NACC2: variants seen among roughly 807,000 people sequenced by gnomAD.
The protein encoded by NACC2 is nucleus accumbens-associated protein 2.
Under a neutral mutation model 25.1 loss-of-function variants are expected in NACC2, and 8 were observed. The observed-to-expected ratio is 0.32, with a 90% CI of 0.19 to 0.57. The LOEUF (loss-of-function observed/expected upper bound fraction) is 0.57. NACC2 is among the 20% of genes least tolerant of loss of function. NACC2 has a pLI of 0.89. For missense variants in NACC2, 644 were observed against 650.2 expected (o/e 0.99, Z 0.10); for synonymous variants, 435 against 294.7 (o/e 1.48, Z -4.88).
intron 1 of NACC2, among the ~76,000 whole-genome samples, chr9:136,091,360 T>A (rs1212190448): frequency 6.6e-6 from 1 of 152,242 alleles, no homozygotes; most frequent in Non-Finnish European, 1.5e-5. Context: ...CAGCCTGGGC[T>A]GGGCGTTCTC....
intron 1 of NACC2, among the ~76,000 whole-genome samples, chr9:136,052,606 G>A (rs1307321638): frequency 2.6e-5 from 4 of 152,248 alleles, no homozygotes; most frequent in East Asian, 1.9e-4. Flanking sequence ...CGGCAGGCCC[G>A]GGAGTCCAGC....
intron 2 of NACC2, among the ~76,000 whole-genome samples, chr9:136,031,115 A>G (rs1456310407): frequency 6.6e-6 from 1 of 152,222 alleles, no homozygotes; most frequent in Admixed American, 6.5e-5. Flanking sequence ...CTCCAGACCA[A>G]AATGACTTTG....
At chr9:136,024,374 G>T (rs1840351636) in intron 2 of NACC2, among the ~76,000 whole-genome samples, 1 of 146,780 alleles carries the variant, frequency 6.8e-6, no homozygotes, top group Non-Finnish European at 1.5e-5. Flanking sequence ...GACAGAAGGT[G>T]TGTGTGTGAG....
chr9:136,050,566 C>T lies in NACC2; in HGVS notation c.-45G>A. 1.4e-6 allele frequency: 1 copy of T among 730,620 alleles called. No homozygotes were observed. The highest frequency in any genetic ancestry group is 2.6e-5 in the East Asian group (1 of 38,980). The allele number at this position is 730,620 out of a possible 1,614,324, so 45.3% of individuals were successfully genotyped here. On this transcript the variant is annotated 5_prime_UTR_variant, in exon 2 of 6. Transcript: ENST00000277554. Reference sequence around the variant, plus strand: ...GGCTGGGCTCTCAGCGCGGGGCGGCCCTAGCGGGGCTCATCTGTGGGGGGC... The same window carrying T: ...GGCTGGGCTCTCAGCGCGGGGCGGCTCTAGCGGGGCTCATCTGTGGGGGGC...
At chr9:136,059,362 G>A (rs1394920325) in intron 1 of NACC2, among the ~76,000 whole-genome samples, 1 of 152,204 alleles carries the variant, frequency 6.6e-6, no homozygotes, top group African/African-American at 2.4e-5. Flanking sequence ...CCTATGACAT[G>A]CCAGCTCAGC....
At position 136,011,834 on chromosome 9, in the gene NACC2, C is replaced by T; in HGVS notation, c.1446G>A (p.Glu482=). ...SAAASVPLDP[E]FPPAAAQVFE... ...ACACCTGTGCCGCGGCAGGCGGGAA[C>T]TCGGGGTCGAGGGGCACGCTGGCGG... is the stretch of plus-strand genomic sequence containing the variant. The change falls in exon 6 of 6, where the codon GAG becomes GAA. Residue 482 remains glutamate (E), a synonymous_variant. Coordinates refer to ENST00000277554, the MANE Select transcript of NACC2 (RefSeq NM_144653.5). The T allele has an allele frequency of 1.3e-6, 2 of 1,565,906 alleles. No individual in the cohort carries two copies. Among genetic ancestry groups the T allele is most frequent in the South Asian group, 1.2e-5 (1 of 86,370 alleles).
chr9:136,069,410 G>T (rs113106016), intron 1 of NACC2, among the ~76,000 whole-genome samples: 1 of 151,224 alleles, frequency 6.6e-6, no homozygotes, highest in African/African-American at 2.5e-5. Context: ...TTAGCCGGGC[G>T]TGGTGGCAGG....
intron 1 of NACC2, among the ~76,000 whole-genome samples, chr9:136,081,863 C>T (rs1027567857): frequency 2.0e-5 from 3 of 152,118 alleles, no homozygotes; most frequent in Non-Finnish European, 4.4e-5. Flanking sequence ...CAGCCCCCAC[C>T]CCCGCCCACC....
chr9:136,043,210 A>C (rs1840671462), intron 2 of NACC2, among the ~76,000 whole-genome samples: 1 of 152,246 alleles, frequency 6.6e-6, no homozygotes. Flanking sequence ...CTAGGAGAGA[A>C]TGCCCGCAAT....
At chr9:136,061,320 A>G (rs1841007890) in intron 1 of NACC2, among the ~76,000 whole-genome samples, 1 of 152,064 alleles carries the variant, frequency 6.6e-6, no homozygotes, top group Non-Finnish European at 1.5e-5. Context: ...GGCTCTGCCC[A>G]TGGCGGCAGC....
chr9:136,087,050 G>A (rs953903933), intron 1 of NACC2, among the ~76,000 whole-genome samples: 2 of 152,246 alleles, frequency 1.3e-5, no homozygotes, highest in African/African-American at 2.4e-5. Context: ...CTTACAGAAG[G>A]GAGAAGTTTG....
At chr9:136,094,302 G>A (rs1830464290) in intron 1 of NACC2, among the ~76,000 whole-genome samples, 1 of 152,168 alleles carries the variant, frequency 6.6e-6, no homozygotes, top group South Asian at 2.1e-4. Context: ...ACCCGGCCTC[G>A]CGGCCTTCAG....
At chr9:136,077,531 A>G (rs1005067878) in intron 1 of NACC2, among the ~76,000 whole-genome samples, 15 of 152,244 alleles carry the variant, frequency 9.9e-5, no homozygotes, top group Non-Finnish European at 2.2e-4. Context: ...TATCTTCAGC[A>G]AAGGGCGTGT....
At chr9:136,053,018 T>C (rs1321852133) in intron 1 of NACC2, among the ~76,000 whole-genome samples, 1 of 152,188 alleles carries the variant, frequency 6.6e-6, no homozygotes, top group Admixed American at 6.5e-5. Context: ...AAGAGCACAT[T>C]CCACCCAAAA....
At position 136,027,174 on chromosome 9, in the gene NACC2, G is replaced by A. The variant is rs530746532; in HGVS notation, c.887-10745C>T. Among the ~76,000 whole-genome samples, 6 of 152,312 alleles carry A rather than the reference G, an allele frequency of 3.9e-5. No individual in the cohort carries two copies. In the South Asian group the frequency reaches 8.3e-4, roughly 21 times the overall value. ...CGGGAGGCGGAGGTTGCAGTGAGCC[G>A]AGATAGCGCCACTGCCCTCCAGCCT... On this transcript the variant is annotated intron_variant, in intron 2 of 5. Coordinates refer to ENST00000277554, the MANE Select transcript of NACC2 (RefSeq NM_144653.5).
chr9:136,078,269 C>T (rs939541740), intron 1 of NACC2, among the ~76,000 whole-genome samples: 1 of 152,142 alleles, frequency 6.6e-6, no homozygotes, highest in African/African-American at 2.4e-5. Context: ...CAGCCCCACT[C>T]GCCTGCAGGC....
chr9:136,040,413 T>C (rs1282842876), intron 2 of NACC2, among the ~76,000 whole-genome samples: 2 of 151,652 alleles, frequency 1.3e-5, no homozygotes, highest in Non-Finnish European at 2.9e-5. Flanking sequence ...TTATAAACAA[T>C]ATAATTCACA....
At position 136,019,791 on chromosome 9, in the gene NACC2, G is replaced by GGAGC. The variant is rs1157685181; in HGVS notation, c.887-3366_887-3363dup. Among the ~76,000 whole-genome samples the GGAGC allele has an allele frequency of 6.6e-6, 1 of 152,126 alleles. No homozygotes were observed. Among genetic ancestry groups the GGAGC allele is most frequent in the Non-Finnish European group, 1.5e-5 (1 of 68,010 alleles). ...GGTTGGGGCCTTCAGGGACCCAGAA[G>GGAGC]GAGCCCCCGCCGTACCTTCCAGGCC... On this transcript the variant is annotated intron_variant, in intron 2 of 5. Transcript: ENST00000277554. The surrounding 1 kb of genome is among the most constrained non-coding windows in gnomAD (Gnocchi z 5.2).
intron 1 of NACC2, among the ~76,000 whole-genome samples, chr9:136,067,258 ACT>A (rs1453657095): frequency 1.5e-5 from 2 of 130,300 alleles, no homozygotes; most frequent in Non-Finnish European, 3.3e-5. Flanking sequence ...CAAGAGGGAA[ACT>A]CTGTCTCAAA....
Sources: gnomAD v4.1 joint callset for allele counts (sites outside exome capture counted in the v4.1 genomes callset) on GRCh38, gnomAD v4.1.1 for gene constraint, Gnocchi (gnomAD v3.1) non-coding constraint, MANE v1.5 for transcripts, NCBI Gene and HGNC (gene_info 2026-07-23, HGNC 2026-07-21) for gene names.